The following SLC24A2 variants were observed in gnomAD, a reference collection of about 807,000 sequenced individuals.
The protein encoded by SLC24A2 is solute carrier family 24 member 2, also known as sodium/potassium/calcium exchanger 2.
A neutral mutation model predicts 62.0 loss-of-function variants in SLC24A2; 36 were observed. The ratio of observed to expected loss-of-function variants is 0.58; its 90% CI spans 0.44 to 0.77. The LOEUF is 0.77. Among genes scored for constraint, SLC24A2 ranks in the 30% least tolerant of loss-of-function variants. The pLI is 0.00. For synonymous variants in SLC24A2, 358 were observed against 294.0 expected, an observed-to-expected ratio of 1.22 and a Z score of -2.23; for missense variants, 846 against 817.9, an observed-to-expected ratio of 1.03 and a Z score of -0.42.
At chr9:19,946,762 G>T in the SLC24A2 span, among the ~76,000 whole-genome samples, 1 of 152,186 alleles carries the variant, frequency 6.6e-6, no homozygotes, top group Non-Finnish European at 1.5e-5. Flanking sequence ...TTAAAAGAAA[G>T]AAAACAACAC....
chr9:19,996,760 A>G, the SLC24A2 span, among the ~76,000 whole-genome samples: 1 of 151,666 alleles, frequency 6.6e-6, no homozygotes, highest in East Asian at 1.9e-4. Flanking sequence ...AAAAAAAAAA[A>G]AAAAAAAGGA....
At chr9:19,870,406 G>A in the SLC24A2 span, among the ~76,000 whole-genome samples, 3 of 152,020 alleles carry the variant, frequency 2.0e-5, no homozygotes, top group Non-Finnish European at 4.4e-5. Flanking sequence ...ACCACATCTT[G>A]TTTATTGATT....
chr9:20,242,541 C>T, the SLC24A2 span, among the ~76,000 whole-genome samples: 2 of 152,158 alleles, frequency 1.3e-5, no homozygotes, highest in South Asian at 2.1e-4. Context: ...AGTCAGGGCC[C>T]CAGCTTTCAA....
chr9:20,013,834 G>A, the SLC24A2 span, among the ~76,000 whole-genome samples: 1 of 152,142 alleles, frequency 6.6e-6, no homozygotes, highest in Non-Finnish European at 1.5e-5. Context: ...AAAATGCTCA[G>A]TATCGCTAAT....
chr9:20,086,347 T>G, the SLC24A2 span, among the ~76,000 whole-genome samples: 1 of 152,176 alleles, frequency 6.6e-6, no homozygotes, highest in Non-Finnish European at 1.5e-5. Flanking sequence ...CCCCGTCTCC[T>G]GGGACCCTGA....
At chr9:19,881,052 G>A in the SLC24A2 span, among the ~76,000 whole-genome samples, 1 of 152,138 alleles carries the variant, frequency 6.6e-6, no homozygotes, top group South Asian at 2.1e-4. Flanking sequence ...TCTTAGTGCT[G>A]TTGTGAAGGA....
intron 7 of SLC24A2, among the ~76,000 whole-genome samples, chr9:19,570,038 T>C (rs931755309): frequency 6.6e-6 from 1 of 152,246 alleles, no homozygotes. Context: ...TGGGGCCATG[T>C]ATAATCATGT....
the SLC24A2 span, among the ~76,000 whole-genome samples, chr9:20,179,192 G>C: frequency 1.3e-5 from 2 of 152,088 alleles, no homozygotes; most frequent in Non-Finnish European, 2.9e-5. Flanking sequence ...GACGACTCTT[G>C]GGGCCCAAGG....
rs187175240 is a variant in SLC24A2, at chr9:19,544,363, A to T, written c.1479+5774T>A. Among the ~76,000 whole-genome samples the T allele has an allele frequency of 5.4e-3, 817 of 150,030 alleles. 4 individuals carry two copies. Among genetic ancestry groups the T allele is most frequent in the Middle Eastern group, 0.01 (3 of 290 alleles). On this transcript the variant is annotated intron_variant, in intron 8 of 10. Coordinates refer to ENST00000341998, the MANE Select transcript of SLC24A2 (RefSeq NM_020344.4). ...GTGGGTCTCCTGAATACAGCCACTGATGGGTCTTGACGCTTATCCAATTTG... is the reference window on the plus strand; with the variant it reads ...GTGGGTCTCCTGAATACAGCCACTGTTGGGTCTTGACGCTTATCCAATTTG...
chr9:19,516,153 C>T lies in SLC24A2; in HGVS notation c.1986G>A (p.Ter662=). ...DRILTCPVSI[*] is the part of the protein sequence containing the mutation. ...CTGGTGCAAGATATGGCTTTTCCTG[C>T]TAGATGGAGACGGGGCATGTAAGAA... Residue 662 remains the stop codon, a stop_retained_variant, in exon 11 of 11, where the codon TAG becomes TAA. Coordinates refer to ENST00000341998, the MANE Select transcript of SLC24A2 (RefSeq NM_020344.4). 4 of 1,614,086 alleles carry T rather than the reference C, an allele frequency of 2.5e-6. No individual in the cohort carries two copies. Among genetic ancestry groups the T allele is most frequent in the Non-Finnish European group, 3.4e-6 (4 of 1,179,980 alleles).
chr9:19,806,956 T>G, the SLC24A2 span, among the ~76,000 whole-genome samples: 2 of 152,236 alleles, frequency 1.3e-5, no homozygotes, highest in African/African-American at 2.4e-5. Flanking sequence ...TGCTTTGAAT[T>G]TTGATGCCTG....
At chr9:20,109,503 AGTGTGTAT>A in the SLC24A2 span, among the ~76,000 whole-genome samples, 1 of 152,262 alleles carries the variant, frequency 6.6e-6, no homozygotes, top group South Asian at 2.1e-4. Flanking sequence ...CTAAGTAGAG[AGTGTGTAT>A]GTGACCAGCC....
chr9:20,008,755 T>C, the SLC24A2 span, among the ~76,000 whole-genome samples: 1 of 152,170 alleles, frequency 6.6e-6, no homozygotes, highest in African/African-American at 2.4e-5. Context: ...AGAGGTTGCA[T>C]TGAGTTCTCC....
chr9:20,132,993 A>T, the SLC24A2 span, among the ~76,000 whole-genome samples: 2 of 152,122 alleles, frequency 1.3e-5, no homozygotes, highest in Non-Finnish European at 2.9e-5. Flanking sequence ...GCAGTCCCCC[A>T]GTTAATGAAC....
intron 7 of SLC24A2, among the ~76,000 whole-genome samples, chr9:19,565,060 G>T (rs1318908853): frequency 6.6e-6 from 1 of 152,042 alleles, no homozygotes; most frequent in Non-Finnish European, 1.5e-5. Context: ...CACAAGACAG[G>T]GATGTCTTCT....
chr9:19,577,772 T>A (rs1299217324), intron 5 of SLC24A2, among the ~76,000 whole-genome samples: 1 of 151,358 alleles, frequency 6.6e-6, no homozygotes, highest in Non-Finnish European at 1.5e-5. Context: ...TGCAAAGTGG[T>A]GGAACTAACC....
At chr9:19,668,946 A>T (rs1438879561) in intron 2 of SLC24A2, among the ~76,000 whole-genome samples, 1 of 152,202 alleles carries the variant, frequency 6.6e-6, no homozygotes, top group South Asian at 2.1e-4. Context: ...GAATAAGTGA[A>T]TGAGTGCTAT....
the SLC24A2 span, among the ~76,000 whole-genome samples, chr9:20,172,988 T>C: frequency 5.3e-5 from 8 of 152,006 alleles, no homozygotes; most frequent in Non-Finnish European, 8.8e-5. Context: ...TCCACCACGA[T>C]CAAGTGGGTT....
chr9:19,920,639 T>C, the SLC24A2 span, among the ~76,000 whole-genome samples: 1 of 152,106 alleles, frequency 6.6e-6, no homozygotes, highest in Non-Finnish European at 1.5e-5. Context: ...TTATCTGCCG[T>C]CTCCCTGGGC....
Sources: gnomAD v4.1 joint callset for allele counts (sites outside exome capture counted in the v4.1 genomes callset) on GRCh38, gnomAD v4.1.1 for gene constraint, MANE v1.5 for transcripts, NCBI Gene and HGNC (gene_info 2026-07-23, HGNC 2026-07-21) for gene names.